The following TNIK variants were observed in gnomAD, a reference collection of about 807,000 sequenced individuals.
The protein encoded by TNIK is TRAF2 and NCK interacting kinase.
Under a neutral mutation model 191.3 loss-of-function variants are expected in TNIK, and 49 were observed. The ratio of observed to expected loss-of-function variants is 0.26; its 90% CI spans 0.20 to 0.32. The LOEUF is 0.32. TNIK is among the 10% of genes least tolerant of loss of function. TNIK has a pLI of 1.00. For synonymous variants in TNIK, 594 were observed against 600.9 expected, an observed-to-expected ratio of 0.99 and a Z score of 0.17; for missense variants, 1,155 against 1,702.3, an observed-to-expected ratio of 0.68 and a Z score of 5.66.
chr3:171,347,232 A>AAG (rs1553758287), intron 2 of TNIK: 5 of 1,526,528 alleles, frequency 3.3e-6, no homozygotes, highest in Non-Finnish European at 4.4e-6. Flanking sequence ...AAAAAAAAAA[A>AAG]AAAAGAAAAG....
At chr3:171,297,093 A>G (rs924689375) in intron 2 of TNIK, among the ~76,000 whole-genome samples, 1 of 152,128 alleles carries the variant, frequency 6.6e-6, no homozygotes, top group Admixed American at 6.6e-5. Flanking sequence ...ATCTGGACAC[A>G]GCTATAATTT....
chr3:171,234,798 G>A (rs536277606), intron 2 of TNIK, among the ~76,000 whole-genome samples: 6 of 152,256 alleles, frequency 3.9e-5, no homozygotes, highest in East Asian at 3.9e-4. Context: ...GGAAAGACAC[G>A]CACAGCTGAA....
intron 18 of TNIK, among the ~76,000 whole-genome samples, chr3:171,123,124 T>C (rs1727981350): frequency 6.6e-6 from 1 of 152,216 alleles, no homozygotes. Flanking sequence ...CTAGAGAAGC[T>C]CTGAAGATGG....
At chr3:171,177,228 G>C in intron 8 of TNIK, 98 bp downstream of exon 8, 1 of 1,280,474 alleles carries the variant, frequency 7.8e-7, no homozygotes, top group Middle Eastern at 1.9e-4. Flanking sequence ...GCAGGGCTCG[G>C]TGTAGTGGAA....
chr3:171,305,493 C>T (rs529739899), intron 2 of TNIK, among the ~76,000 whole-genome samples: 18 of 152,214 alleles, frequency 1.2e-4, no homozygotes, highest in Middle Eastern at 6.8e-3. Flanking sequence ...CCAGAATCCA[C>T]AAGGAACTTA....
intron 24 of TNIK, among the ~76,000 whole-genome samples, chr3:171,086,952 T>G (rs763026548): frequency 2.0e-5 from 3 of 152,234 alleles, no homozygotes; most frequent in Non-Finnish European, 2.9e-5. Context: ...TAAGTCATAC[T>G]TAGTTTGACT....
At chr3:171,075,948 G>A (rs1719863907) in intron 28 of TNIK, among the ~76,000 whole-genome samples, 1 of 152,102 alleles carries the variant, frequency 6.6e-6, no homozygotes, top group South Asian at 2.1e-4. Flanking sequence ...ATGTTGGCCA[G>A]GCTGGTCTCA....
chr3:171,106,053 A>G (rs909176448), intron 21 of TNIK, among the ~76,000 whole-genome samples: 4 of 152,120 alleles, frequency 2.6e-5, no homozygotes, highest in Non-Finnish European at 1.5e-5. Context: ...TCCTTCAACT[A>G]TGATCATAAC....
intron 22 of TNIK, among the ~76,000 whole-genome samples, chr3:171,096,047 A>G (rs1450818602): frequency 2.0e-5 from 3 of 151,992 alleles, no homozygotes; most frequent in Non-Finnish European, 4.4e-5. Flanking sequence ...TGCCGTAAGT[A>G]CTTGTTTGGG....
At chr3:171,167,025 A>C (rs897563253) in intron 10 of TNIK, 70 bp downstream of exon 10, 1 of 1,531,124 alleles carries the variant, frequency 6.5e-7, no homozygotes, top group African/African-American at 1.4e-5. Context: ...AGTCACCTCC[A>C]AATACATCAA....
chr3:171,457,574 T>C (rs1728924662), intron 1 of TNIK, among the ~76,000 whole-genome samples: 1 of 152,176 alleles, frequency 6.6e-6, no homozygotes, highest in African/African-American at 2.4e-5. Flanking sequence ...AGGCCACCTC[T>C]CCAAATGTGG....
chr3:171,412,864 G>A lies in TNIK; in HGVS notation c.58-43179C>T, dbSNP rs144083293. On this transcript the variant is annotated intron_variant, in intron 1 of 32. Coordinates refer to ENST00000436636, the MANE Select transcript of TNIK (RefSeq NM_015028.4). ...TCAGAATGTAGGTTTTCAATCAATG[G>A]TAACTATTTTTTTGTTATGCAGACC... Among the ~76,000 whole-genome samples, 194 of 152,276 alleles carry A rather than the reference G, an allele frequency of 1.3e-3. 2 individuals carry two copies. The highest frequency in any genetic ancestry group is 0.011 in the Admixed American group (170 of 15,300).
chr3:171,289,196 C>G (rs1330796114), intron 2 of TNIK, among the ~76,000 whole-genome samples: 3 of 152,166 alleles, frequency 2.0e-5, no homozygotes, highest in Admixed American at 2.0e-4. Flanking sequence ...GTTAGAACAC[C>G]TGGTTCTGCA....
At chr3:171,408,995 A>C (rs2108596910) in intron 1 of TNIK, among the ~76,000 whole-genome samples, 2 of 152,138 alleles carry the variant, frequency 1.3e-5, no homozygotes, top group Non-Finnish European at 2.9e-5. Flanking sequence ...CTAACTATAA[A>C]GCATAGTTCA....
intron 1 of TNIK, among the ~76,000 whole-genome samples, chr3:171,440,749 G>T (rs1409232901): frequency 6.6e-6 from 1 of 152,122 alleles, no homozygotes; most frequent in African/African-American, 2.4e-5. Flanking sequence ...CAAATAATTT[G>T]TTAACAAATG....
chr3:171,266,854 C>G (rs1307095636), intron 2 of TNIK, among the ~76,000 whole-genome samples: 1 of 152,190 alleles, frequency 6.6e-6, no homozygotes, highest in African/African-American at 2.4e-5. Flanking sequence ...TCCTTCTGTT[C>G]TCCAAAGCAG....
chr3:171,257,078 C>T (rs548337446), intron 2 of TNIK, among the ~76,000 whole-genome samples: 107 of 152,144 alleles, frequency 7.0e-4, no homozygotes, highest in African/African-American at 2.3e-3. Flanking sequence ...AGAAACAGGC[C>T]GAGAGAGGAA....
chr3:171,421,724 A>ATTTTT (rs67895255), intron 1 of TNIK, among the ~76,000 whole-genome samples: 1,311 of 91,308 alleles, frequency 0.014, 74 homozygotes, highest in African/African-American at 0.04. Flanking sequence ...TAGTTGTGTA[A>ATTTTT]TTTTTTTTTT....
intron 1 of TNIK, among the ~76,000 whole-genome samples, chr3:171,383,597 G>A (rs1718347044): frequency 6.6e-6 from 1 of 152,118 alleles, no homozygotes; most frequent in Non-Finnish European, 1.5e-5. Context: ...CTTCTTTTAA[G>A]AAGAATGTGT....
Sources: allele counts gnomAD v4.1 joint callset (sites outside exome capture counted in the v4.1 genomes callset), GRCh38; gene constraint gnomAD v4.1.1; transcripts MANE v1.5; gene names NCBI Gene and HGNC (gene_info 2026-07-23, HGNC 2026-07-21).